HSPBAP1: variants seen among roughly 807,000 people sequenced by gnomAD.
The protein encoded by HSPBAP1 is HSPB1 associated protein 1.
Under a neutral mutation model 45.2 loss-of-function variants are expected in HSPBAP1, and 27 were observed. The observed-to-expected ratio is 0.60, with a 90% CI of 0.44 to 0.82. The LOEUF (loss-of-function observed/expected upper bound fraction) is 0.82. Among genes scored for constraint, HSPBAP1 ranks in the 40% least tolerant of loss-of-function variants. The pLI is 0.00. For synonymous variants in HSPBAP1, 204 were observed against 202.7 expected (o/e 1.01, Z -0.06); for missense variants, 510 against 590.9 (o/e 0.86, Z 1.42).
intron 2 of HSPBAP1, among the ~76,000 whole-genome samples, chr3:122,772,054 G>C (rs549904282): frequency 6.6e-6 from 1 of 152,250 alleles, no homozygotes; most frequent in African/African-American, 2.4e-5. Context: ...TTAGAAAACT[G>C]TAACAGGCAA....
intron 3 of HSPBAP1, chr3:122,761,887 G>A (rs907702709): frequency 6.6e-6 from 1 of 152,042 alleles, no homozygotes. Flanking sequence ...GCCACTTATG[G>A]GTAGTCAAAT....
intron 3 of HSPBAP1, chr3:122,761,802 A>AG: frequency 6.6e-6 from 1 of 151,992 alleles, no homozygotes; most frequent in Non-Finnish European, 1.5e-5. Flanking sequence ...CTCAAAAAAA[A>AG]AAAAAAAAAA....
intron 6 of HSPBAP1, among the ~76,000 whole-genome samples, chr3:122,752,006 A>G (rs1267869853): frequency 6.6e-6 from 1 of 152,222 alleles, no homozygotes; most frequent in African/African-American, 2.4e-5. Flanking sequence ...AGCTGCAATT[A>G]AGGCCCCAGT....
chr3:122,780,630 A>G (rs1483256858), intron 1 of HSPBAP1, among the ~76,000 whole-genome samples: 20 of 126,482 alleles, frequency 1.6e-4, no homozygotes, highest in South Asian at 2.9e-4. Context: ...CCTCCCGGAC[A>G]GGGCGGCTGG....
intron 4 of HSPBAP1, chr3:122,758,895 C>T: frequency 7.7e-6 from 1 of 129,886 alleles, no homozygotes. Context: ...CTCTAATTTA[C>T]CAAAAAAAAA....
chr3:122,765,590 A>G (rs1934751300), intron 3 of HSPBAP1, among the ~76,000 whole-genome samples: 1 of 149,614 alleles, frequency 6.7e-6, no homozygotes, highest in Admixed American at 6.7e-5. Flanking sequence ...CAAAAAAAAA[A>G]AAAAGAGAAA....
At chr3:122,772,849 A>ATT (rs113617997) in intron 2 of HSPBAP1, among the ~76,000 whole-genome samples, 4 of 151,918 alleles carry the variant, frequency 2.6e-5, no homozygotes, top group Middle Eastern at 3.4e-3. Context: ...TTATTTTTTC[A>ATT]TTTTTTTTAC....
chr3:122,792,975 A>G (rs1364035256), intron 1 of HSPBAP1, among the ~76,000 whole-genome samples: 2 of 152,188 alleles, frequency 1.3e-5, no homozygotes, highest in Non-Finnish European at 2.9e-5. Flanking sequence ...CCTCCTCCTA[A>G]CAACCCTCAC....
chr3:122,755,955 A>T (rs1162271380), intron 4 of HSPBAP1, among the ~76,000 whole-genome samples: 2 of 152,220 alleles, frequency 1.3e-5, no homozygotes, highest in East Asian at 3.8e-4. Flanking sequence ...TGCACAAATA[A>T]TGCCACATAA....
At chr3:122,755,498 AC>A in intron 4 of HSPBAP1, 67 bp from the exon 5 acceptor site, 1 of 1,174,040 alleles carries the variant, frequency 8.5e-7, no homozygotes, top group Non-Finnish European at 1.2e-6. Flanking sequence ...ATGGAAGAAG[AC>A]AAAAGCTAAG....
intron 5 of HSPBAP1, chr3:122,754,761 T>A (rs1934281611): frequency 1.0e-6 from 1 of 985,670 alleles, no homozygotes; most frequent in Admixed American, 6.1e-5. Context: ...TTGGAAATGT[T>A]TCAGAGTTAG....
At chr3:122,769,484 T>C (rs1934908946) in intron 2 of HSPBAP1, among the ~76,000 whole-genome samples, 1 of 152,188 alleles carries the variant, frequency 6.6e-6, no homozygotes, top group Admixed American at 6.5e-5. Context: ...GTCAGTGGAT[T>C]GACACAAAAA....
At chr3:122,757,267 C>T (rs1419796025) in intron 4 of HSPBAP1, among the ~76,000 whole-genome samples, 2 of 152,170 alleles carry the variant, frequency 1.3e-5, no homozygotes, top group African/African-American at 4.8e-5. Context: ...AGTCAAGACC[C>T]TGGGGACTCA....
In HSPBAP1 at chr3:122,752,863, C is replaced by G. The variant is rs761149459; in HGVS notation, c.742-189G>C. The G allele has an allele frequency of 5.9e-6, 8 of 1,359,446 alleles. No individual in the cohort carries two copies. In the East Asian group the frequency reaches 1.4e-4, roughly 24 times the overall value. The allele number at this position is 1,359,446 out of a possible 1,614,324, so 84.2% of individuals were successfully genotyped here. Reference sequence around the variant, plus strand: ...TTTCCTTTTATTCCTTTTTTATTGACAAGTTCACATGTTCTACAAAGGATA... The same window carrying G: ...TTTCCTTTTATTCCTTTTTTATTGAGAAGTTCACATGTTCTACAAAGGATA... On this transcript the variant is annotated intron_variant, in intron 5 of 7. Coordinates refer to ENST00000306103, the MANE Select transcript of HSPBAP1 (RefSeq NM_024610.6).
intron 3 of HSPBAP1, among the ~76,000 whole-genome samples, chr3:122,765,381 G>C (rs1934740541): frequency 6.6e-6 from 1 of 152,096 alleles, no homozygotes; most frequent in African/African-American, 2.4e-5. Flanking sequence ...AGGAGTTCGA[G>C]GCCAGCCTGG....
At chr3:122,769,980 A>G (rs1424835431) in intron 2 of HSPBAP1, among the ~76,000 whole-genome samples, 2 of 152,204 alleles carry the variant, frequency 1.3e-5, no homozygotes, top group South Asian at 2.1e-4. Context: ...TGCCCAGTCA[A>G]TGTTAGGCAC....
At chr3:122,752,970 T>G in intron 5 of HSPBAP1, 33 of 1,085,268 alleles carry the variant, frequency 3.0e-5, no homozygotes, top group Non-Finnish European at 3.6e-5. Context: ...AGATTCTAAT[T>G]TTTCCTCCTT....
At chr3:122,770,274 G>T (rs1934943902) in intron 2 of HSPBAP1, among the ~76,000 whole-genome samples, 3 of 152,122 alleles carry the variant, frequency 2.0e-5, no homozygotes, top group Non-Finnish European at 4.4e-5. Context: ...AGAAGCAGAA[G>T]AACTTAACTA....
At chr3:122,752,205 T>C (rs754196182) in intron 6 of HSPBAP1, among the ~76,000 whole-genome samples, 1 of 152,182 alleles carries the variant, frequency 6.6e-6, no homozygotes, top group African/African-American at 2.4e-5. Flanking sequence ...CAATTAGTAA[T>C]GACCCTGAAC....
Sources: gnomAD v4.1 joint callset for allele counts (sites outside exome capture counted in the v4.1 genomes callset) on GRCh38, gnomAD v4.1.1 for gene constraint, MANE v1.5 for transcripts, NCBI Gene and HGNC (gene_info 2026-07-23, HGNC 2026-07-21) for gene names.